The following MEF2C variants were observed in gnomAD, a reference collection of about 807,000 sequenced individuals.
The protein encoded by MEF2C is myocyte enhancer factor 2C, also known as myocyte-specific enhancer factor 2C.
Under a neutral mutation model 50.5 loss-of-function variants are expected in MEF2C, and 6 were observed. The ratio of observed to expected loss-of-function variants is 0.12; its 90% confidence interval spans 0.07 to 0.23. MEF2C has a LOEUF of 0.23. Among genes scored for constraint, MEF2C ranks in the 10% least tolerant of loss-of-function variants. The probability of loss-of-function intolerance (pLI) is 1.00; values close to 1 mark genes in which losing one functional copy is unlikely to be tolerated. For synonymous variants in MEF2C, 183 were observed against 228.0 expected (o/e 0.80, Z 1.78); for missense variants, 276 against 605.0 (o/e 0.46, Z 5.70).
At chr5:88,891,882 G>A (rs1240084355) in intron 1 of MEF2C, among the ~76,000 whole-genome samples, 3 of 151,912 alleles carry the variant, frequency 2.0e-5, no homozygotes, top group Non-Finnish European at 4.4e-5. Context: ...ATATCTTATT[G>A]TTAATTAGGA....
intron 1 of MEF2C, among the ~76,000 whole-genome samples, chr5:88,899,366 C>A (rs1413534183): frequency 2.0e-5 from 3 of 152,096 alleles, no homozygotes; most frequent in African/African-American, 7.2e-5. Flanking sequence ...CAATAATATT[C>A]CAGATTCCTT....
At chr5:88,796,893 T>C (rs183049287) in intron 3 of MEF2C, among the ~76,000 whole-genome samples, 1 of 152,262 alleles carries the variant, frequency 6.6e-6, no homozygotes, top group Admixed American at 6.5e-5. Flanking sequence ...CCAGTAGTCA[T>C]TCAGGAGCAG....
Position 88,789,910 on chromosome 5 carries a change from C to T in MEF2C, c.258+14688G>A, listed in dbSNP as rs563782751. On this transcript the variant is annotated intron_variant, in intron 3 of 10. Transcript: ENST00000504921. ...TGACTGACTTTGATTAAGTCTTTTC[C>T]CAGAATGTCCTATTGATTATTTTGA... is the stretch of plus-strand genomic sequence containing the variant. Among the ~76,000 whole-genome samples, 3 of 152,182 alleles carry T rather than the reference C, an allele frequency of 2.0e-5. No homozygotes were observed. In the South Asian group the frequency reaches 6.2e-4, roughly 32 times the overall value.
At chr5:88,787,506 T>C (rs1312558150) in intron 3 of MEF2C, among the ~76,000 whole-genome samples, 2 of 151,970 alleles carry the variant, frequency 1.3e-5, no homozygotes, top group African/African-American at 2.4e-5. Context: ...AGAATGAGAG[T>C]GTGTGATGTT....
rs1833417119 is a variant in MEF2C at position 88,882,959 on chromosome 5, A to G, written c.-147T>C. On this transcript the variant is annotated 5_prime_UTR_variant, in exon 1 of 11. Coordinates refer to ENST00000504921, the MANE Select transcript of MEF2C (RefSeq NM_002397.5). ...AGAAATATCAGGGGTACTTACATGA[A>G]GGAAGACCCGATCAGATTAGTCCTT... The G allele has an allele frequency of 6.6e-6, 1 of 152,104 alleles. No individual in the cohort carries two copies. The highest frequency in any genetic ancestry group is 6.5e-5 in the Admixed American group (1 of 15,272). The allele number at this position is 152,104 out of a possible 1,614,324, so 9.4% of individuals were successfully genotyped here.
At chr5:88,741,402 T>C in intron 6 of MEF2C, 1 of 985,426 alleles carries the variant, frequency 1.0e-6, no homozygotes, top group Non-Finnish European at 1.2e-6. Context: ...TCAAGGGCAA[T>C]AGTGCCATCC....
At chr5:88,893,846 G>A (rs1300037107) in intron 1 of MEF2C, among the ~76,000 whole-genome samples, 1 of 152,112 alleles carries the variant, frequency 6.6e-6, no homozygotes, top group East Asian at 1.9e-4. Context: ...TTAAATTTAA[G>A]TGAGTGATTA....
chr5:88,876,063 GTTTT>G (rs33921751), intron 1 of MEF2C, among the ~76,000 whole-genome samples: 3 of 122,608 alleles, frequency 2.4e-5, no homozygotes, highest in East Asian at 2.5e-4. Context: ...AGTAACTGGA[GTTTT>G]TTTTTTTTTT....
upstream of MEF2C, chr5:88,883,288 C>A: frequency 6.6e-6 from 1 of 151,650 alleles, no homozygotes; most frequent in South Asian, 1.9e-4. Flanking sequence ...TCGCGCGCGC[C>A]GAGGCCGCTC....
intron 1 of MEF2C, chr5:88,843,308 A>C: frequency 1.0e-6 from 1 of 982,884 alleles, no homozygotes; most frequent in Non-Finnish European, 1.2e-6. Context: ...GACATGTTAC[A>C]TCACGTAAAA....
chr5:88,817,735 C>T (rs1806153524), intron 2 of MEF2C: 1 of 151,882 alleles, frequency 6.6e-6, no homozygotes, highest in African/African-American at 2.4e-5. Flanking sequence ...ATTTTAAGCC[C>T]TAACTGTGTT....
intron 2 of MEF2C, among the ~76,000 whole-genome samples, chr5:88,807,664 A>C (rs752391782): frequency 2.4e-4 from 36 of 152,314 alleles, no homozygotes; most frequent in Non-Finnish European, 4.4e-4. Context: ...TGCTTAGAGT[A>C]GGTGCTCAAT....
chr5:88,775,807 A>T (rs900763422), intron 3 of MEF2C: 1 of 983,874 alleles, frequency 1.0e-6, no homozygotes, highest in African/African-American at 1.7e-5. Flanking sequence ...TGACACTGAG[A>T]ACTGAAAAAT....
In MEF2C at chr5:88,822,926, C is replaced by T. The variant is rs112626686; in HGVS notation, c.54+809G>A. On this transcript the variant is annotated intron_variant, in intron 2 of 10. Coordinates refer to ENST00000504921, the MANE Select transcript of MEF2C (RefSeq NM_002397.5). ...CCCAGGACCATTATTTGATATTTAA[C>T]GTTATACAAACTACCCAGCTGTCCT... is the stretch of plus-strand genomic sequence containing the variant. Among the ~76,000 whole-genome samples the T allele has an allele frequency of 1.8e-3, 275 of 152,062 alleles. 6 individuals carry two copies. Among genetic ancestry groups the T allele is most frequent in the African/African-American group, 6.1e-3 (254 of 41,542 alleles).
chr5:88,775,342 A>C (rs1356069814), intron 3 of MEF2C, among the ~76,000 whole-genome samples: 1 of 152,202 alleles, frequency 6.6e-6, no homozygotes, highest in African/African-American at 2.4e-5. Context: ...GTAGGCAATT[A>C]TGAATTGAGT....
intron 3 of MEF2C, among the ~76,000 whole-genome samples, chr5:88,776,332 CTTA>C (rs1784742523): frequency 6.6e-6 from 1 of 152,154 alleles, no homozygotes; most frequent in African/African-American, 2.4e-5. Flanking sequence ...TATCACCTCT[CTTA>C]TTTTTTATGG....
At chr5:88,728,735 G>T in intron 9 of MEF2C, 107 bp from the exon 10 acceptor site, 1 of 797,810 alleles carries the variant, frequency 1.3e-6, no homozygotes, top group Non-Finnish European at 1.7e-6. Flanking sequence ...TAGGATTATC[G>T]TTATTATAGA....
chr5:88,822,886 A>G (rs771821951), intron 2 of MEF2C, among the ~76,000 whole-genome samples: 8 of 151,994 alleles, frequency 5.3e-5, no homozygotes, highest in Non-Finnish European at 8.8e-5. Context: ...GGGACCCAGC[A>G]GTACTATAAT....
chr5:88,748,602 G>C (rs916571720), intron 6 of MEF2C, among the ~76,000 whole-genome samples: 1 of 152,126 alleles, frequency 6.6e-6, no homozygotes, highest in Non-Finnish European at 1.5e-5. Flanking sequence ...ATGCCAATGT[G>C]ATTTTATTTT....
Sources: allele counts gnomAD v4.1 joint callset (sites outside exome capture counted in the v4.1 genomes callset), GRCh38; gene constraint gnomAD v4.1.1; transcripts MANE v1.5; gene names NCBI Gene and HGNC (gene_info 2026-07-23, HGNC 2026-07-21).